ZNF568: variants seen among roughly 807,000 people sequenced by gnomAD.
ZNF568 encodes the protein p53 inhibitor of SCO2 activation.
In ZNF568, 11 loss-of-function variants were observed where a neutral mutation model predicts 18.1. That is an observed-to-expected ratio of 0.61 (90% CI 0.38 to 1.00). The LOEUF is 1.00. Ranked by LOEUF, ZNF568 falls within the 50% of genes least tolerant of loss-of-function variation. The pLI is 0.01. For missense variants in ZNF568, 639 were observed against 768.2 expected (o/e 0.83, Z 1.99); for synonymous variants, 213 against 246.6 (o/e 0.86, Z 1.28).
At chr19:36,934,322 T>C (rs10420370) in intron 4 of ZNF568, among the ~76,000 whole-genome samples, 2 of 133,452 alleles carry the variant, frequency 1.5e-5, no homozygotes, top group Admixed American at 1.5e-4. Flanking sequence ...TTTTTTTTTT[T>C]AATTGAGGCA....
chr19:36,969,567 T>C (rs1365837537), intron 6 of ZNF568, among the ~76,000 whole-genome samples: 1 of 152,064 alleles, frequency 6.6e-6, no homozygotes, highest in Non-Finnish European at 1.5e-5. Context: ...CCGTGTTCTT[T>C]CTCTAGGTTC....
At chr19:36,968,838 T>G (rs1316574490) in intron 6 of ZNF568, among the ~76,000 whole-genome samples, 1 of 150,902 alleles carries the variant, frequency 6.6e-6, no homozygotes, top group Non-Finnish European at 1.5e-5. Flanking sequence ...TTTGTGAATC[T>G]AAGGGACAAG....
downstream of ZNF568, among the ~76,000 whole-genome samples, chr19:36,956,772 A>G (rs1192003580): frequency 6.6e-6 from 1 of 151,682 alleles, no homozygotes; most frequent in Non-Finnish European, 1.5e-5. Flanking sequence ...AATTTTTTGT[A>G]TTTTTGGTAG....
chr19:36,936,663 A>G, intron 4 of ZNF568, 83 bp from the exon 5 acceptor site: 1 of 1,404,168 alleles, frequency 7.1e-7, no homozygotes, highest in South Asian at 1.5e-5. Flanking sequence ...ACCCCTGAGT[A>G]CCAGCTAAAC....
At chr19:36,958,419 A>G (rs911053882) in intron 6 of ZNF568, among the ~76,000 whole-genome samples, 3 of 151,934 alleles carry the variant, frequency 2.0e-5, no homozygotes, top group African/African-American at 7.2e-5. Context: ...GAAGGTTAAT[A>G]GTTATTGATT....
chr19:36,979,662 C>T (rs780183508), exon 8 of ZNF568: 3 of 152,178 alleles, frequency 2.0e-5, no homozygotes, highest in East Asian at 1.9e-4. Flanking sequence ...TGTAAGAATA[C>T]ATTTTTTCAT....
chr19:36,930,553 G>A (rs1419651217), intron 4 of ZNF568, among the ~76,000 whole-genome samples: 1 of 152,118 alleles, frequency 6.6e-6, no homozygotes, highest in African/African-American at 2.4e-5. Context: ...AGTTACTAGA[G>A]TTGGTGGGAA....
At chr19:36,918,365 C>T (rs1041870717) in intron 2 of ZNF568, among the ~76,000 whole-genome samples, 4 of 152,166 alleles carry the variant, frequency 2.6e-5, no homozygotes, top group African/African-American at 7.2e-5. Context: ...CACAGATGCT[C>T]AAGTCCCTAC....
intron 6 of ZNF568, among the ~76,000 whole-genome samples, chr19:36,967,562 C>CA (rs1474790936): frequency 7.9e-5 from 12 of 151,848 alleles, no homozygotes; most frequent in East Asian, 3.9e-4. Flanking sequence ...TACTCCTTCT[C>CA]AAAAAAAACA....
chr19:36,956,060 G>A (rs1458920752), downstream of ZNF568, among the ~76,000 whole-genome samples: 2 of 152,184 alleles, frequency 1.3e-5, no homozygotes, highest in African/African-American at 4.8e-5. Context: ...AGGGGTAAGA[G>A]AATGGAGGAA....
downstream of ZNF568, chr19:36,980,337 T>G (rs1466281429): frequency 6.6e-6 from 1 of 152,214 alleles, no homozygotes; most frequent in Non-Finnish European, 1.5e-5. Context: ...CTTTAATGTT[T>G]AAGTCTTCAA....
chr19:36,963,158 T>C (rs148507151), intron 6 of ZNF568, among the ~76,000 whole-genome samples: 294 of 152,328 alleles, frequency 1.9e-3, no homozygotes, highest in African/African-American at 6.6e-3. Context: ...AAGGCTACCA[T>C]GAATATTTGT....
rs1382115457 is a variant in ZNF568 at position 36,950,216 on chromosome 19, A to T, written c.1063A>T (p.Ile355Phe). 3 of 1,613,834 alleles carry T rather than the reference A, an allele frequency of 1.9e-6. No individual in the cohort carries two copies. In the Admixed American group the frequency reaches 5.0e-5, roughly 27 times the overall value. ...QKQNLIEHEKIHTGEKPYACN... is the reference protein window; with the variant it reads ...QKQNLIEHEKFHTGEKPYACN... ...GCAAAATCTTATTGAGCACGAGAAAATTCATACTGGGGAGAAACCTTATGC... is the reference window on the plus strand; with the variant it reads ...GCAAAATCTTATTGAGCACGAGAAATTTCATACTGGGGAGAAACCTTATGC... The change falls in exon 7 of 7, where the codon ATT (isoleucine) becomes TTT (phenylalanine). Residue 355 changes from isoleucine to phenylalanine, a missense_variant. Transcript: ENST00000333987.
intron 2 of ZNF568, among the ~76,000 whole-genome samples, chr19:36,987,902 G>A (rs2074390438): frequency 6.6e-6 from 1 of 151,068 alleles, no homozygotes; most frequent in Non-Finnish European, 1.5e-5. Context: ...TCAGGCCTTT[G>A]GGGACCTTGA....
intron 7 of ZNF568, chr19:36,974,581 G>A (rs893010851): frequency 1.4e-5 from 15 of 1,080,068 alleles, no homozygotes; most frequent in Non-Finnish European, 2.0e-5. Context: ...GGGGAAGAGG[G>A]GAGGAAACTG....
In ZNF568 at chr19:36,951,803, A is replaced by G; in HGVS notation, c.*715A>G. On this transcript the variant is annotated 3_prime_UTR_variant, in exon 7 of 7. Coordinates refer to ENST00000333987, the MANE Select transcript of ZNF568 (RefSeq NM_198539.4). ...TGTTTTGTTTTGTTTTGTTTTTTGT[A>G]TTTTTAGTAGAGACGGGGTTTCACC... is the stretch of plus-strand genomic sequence containing the variant. 3.4e-6 allele frequency: 1 copy of G among 291,562 alleles called. No homozygotes were observed. Among genetic ancestry groups the G allele is most frequent in the Non-Finnish European group, 4.9e-6 (1 of 203,576 alleles). The allele number at this position is 291,562 out of a possible 1,614,324, so 18.1% of individuals were successfully genotyped here.
chr19:36,974,917 C>T (rs1220704627), intron 7 of ZNF568, among the ~76,000 whole-genome samples: 3 of 150,026 alleles, frequency 2.0e-5, no homozygotes, highest in Non-Finnish European at 1.5e-5. Flanking sequence ...ACCTCCGCCT[C>T]CTCGGTTCTA....
Position 36,922,667 on chromosome 19 carries a change from T to G in ZNF568, c.-104T>G, listed in dbSNP as rs2073476884. Reference sequence around the variant, plus strand: ...AGGTGTCTTATCATGGAAGGAGACCTGACCTGAGACCTGCCTTAGAGGCTG... The same window carrying G: ...AGGTGTCTTATCATGGAAGGAGACCGGACCTGAGACCTGCCTTAGAGGCTG... On this transcript the variant is annotated 5_prime_UTR_variant, in exon 3 of 7. Coordinates refer to ENST00000333987, the MANE Select transcript of ZNF568 (RefSeq NM_198539.4). 2.3e-6 allele frequency: 2 copies of G among 873,462 alleles called. No homozygotes were observed. Among genetic ancestry groups the G allele is most frequent in the Middle Eastern group, 3.6e-4 (1 of 2,804 alleles). 54.1% of individuals were successfully genotyped at this position (873,462 alleles called of 1,614,324 possible). A position where few individuals can be genotyped will look rare whatever the true frequency, so the allele number is the denominator to read the frequency against.
intron 7 of ZNF568, among the ~76,000 whole-genome samples, chr19:36,976,866 C>T (rs1045278419): frequency 5.9e-5 from 9 of 151,278 alleles, no homozygotes; most frequent in African/African-American, 1.9e-4. Context: ...GCCAAGATTG[C>T]GCCATTGCAC....
Sources: allele counts gnomAD v4.1 joint callset (sites outside exome capture counted in the v4.1 genomes callset), GRCh38; gene constraint gnomAD v4.1.1; transcripts MANE v1.5; gene names NCBI Gene and HGNC (gene_info 2026-07-23, HGNC 2026-07-21).